Variants in SIK3 observed in about 807,000 individuals in gnomAD.
SIK3 encodes the protein SIK family kinase 3, also known as serine/threonine-protein kinase SIK3.
In SIK3, 28 loss-of-function variants were observed where a neutral mutation model predicts 144.2. The observed-to-expected ratio is 0.19, with a 90% CI of 0.14 to 0.27. The LOEUF is 0.27. Among genes scored for constraint, SIK3 ranks in the 10% least tolerant of loss-of-function variants. SIK3 has a pLI of 1.00. For missense variants in SIK3, 1,319 were observed against 1,776.0 expected, an observed-to-expected ratio of 0.74 and a Z score of 4.62; for synonymous variants, 686 against 676.3, an observed-to-expected ratio of 1.01 and a Z score of -0.22.
chr11:116,975,620 C>T (rs536512004), intron 1 of SIK3, among the ~76,000 whole-genome samples: 114 of 152,218 alleles, frequency 7.5e-4, no homozygotes, highest in Non-Finnish European at 9.3e-4. Flanking sequence ...AGTTGATGGA[C>T]ATTTTGGTTG....
intron 4 of SIK3, among the ~76,000 whole-genome samples, chr11:116,915,156 G>A (rs866020821): frequency 5.3e-4 from 79 of 148,158 alleles, no homozygotes; most frequent in East Asian, 1.9e-3. Flanking sequence ...GTGTGTGTGT[G>A]TGTGTATGTG....
At chr11:117,084,356 C>G (rs1954916784) in intron 1 of SIK3, among the ~76,000 whole-genome samples, 1 of 152,074 alleles carries the variant, frequency 6.6e-6, no homozygotes, top group Non-Finnish European at 1.5e-5. Flanking sequence ...CCTCTGCCTC[C>G]CAGGTTCAAG....
chr11:116,968,664 C>G (rs1363537958), intron 1 of SIK3, among the ~76,000 whole-genome samples: 1 of 152,112 alleles, frequency 6.6e-6, no homozygotes, highest in Non-Finnish European at 1.5e-5. Flanking sequence ...TTACAGACAT[C>G]CTAAATACTG....
intron 1 of SIK3, among the ~76,000 whole-genome samples, chr11:117,085,932 C>G (rs1273533498): frequency 6.6e-6 from 1 of 152,014 alleles, no homozygotes; most frequent in Admixed American, 6.6e-5. Context: ...CCAGCCTGGG[C>G]GACAGAGCAA....
chr11:116,986,062 A>G (rs1424111891), intron 1 of SIK3, among the ~76,000 whole-genome samples: 1 of 152,192 alleles, frequency 6.6e-6, no homozygotes, highest in Non-Finnish European at 1.5e-5. Context: ...TGGTGGCAAA[A>G]AAAAGTCAAC....
chr11:116,872,236 T>G (rs1309014403), intron 13 of SIK3, among the ~76,000 whole-genome samples: 1 of 152,164 alleles, frequency 6.6e-6, no homozygotes, highest in Non-Finnish European at 1.5e-5. Context: ...GATAAAAGGT[T>G]AAAAATGTCC....
intron 21 of SIK3, among the ~76,000 whole-genome samples, chr11:116,851,730 T>G (rs1009167728): frequency 6.6e-6 from 1 of 152,210 alleles, no homozygotes; most frequent in Admixed American, 6.5e-5. Flanking sequence ...GGACTTGCTC[T>G]GTGGGATTAG....
chr11:116,942,712 G>A (rs1466925360), intron 3 of SIK3, among the ~76,000 whole-genome samples: 1 of 152,172 alleles, frequency 6.6e-6, no homozygotes, highest in African/African-American at 2.4e-5. Context: ...GTCTTAAAGC[G>A]GGAGCACAGC....
rs577230134 is a variant in SIK3, at chr11:117,012,615, T to C, written c.274-55551A>G. ...TCCACAATTCCCTCTTTCCCATTTT[T>C]CTCCATACATAGAAACAATCCTTCT... On this transcript the variant is annotated intron_variant, in intron 1 of 24. Coordinates refer to ENST00000445177, the MANE Select transcript of SIK3 (RefSeq NM_001366686.3). 3.4e-4 allele frequency among the ~76,000 whole-genome samples: 52 copies of C among 152,214 alleles called. 1 individual carries two copies. Among genetic ancestry groups the C allele is most frequent in the African/African-American group, 1.3e-3 (52 of 41,530 alleles).
intron 2 of SIK3, 28 bp from the exon 3 acceptor site, chr11:116,954,135 C>T (rs1345656183): frequency 1.9e-6 from 3 of 1,599,840 alleles, no homozygotes; most frequent in Non-Finnish European, 1.7e-6. Context: ...AAGTGACAGA[C>T]AGTGACACAA....
chr11:116,882,589 C>T (rs1297694418), intron 6 of SIK3, among the ~76,000 whole-genome samples: 5 of 152,126 alleles, frequency 3.3e-5, no homozygotes, highest in African/African-American at 9.7e-5. Flanking sequence ...TTTCTGACCA[C>T]ATAAAGCTGC....
At chr11:117,090,763 G>A (rs958542300) in intron 1 of SIK3, among the ~76,000 whole-genome samples, 2 of 152,220 alleles carry the variant, frequency 1.3e-5, no homozygotes, top group Admixed American at 1.3e-4. Flanking sequence ...TAAAGGCAAA[G>A]CAGTGGACCC....
chr11:117,087,074 A>C (rs370667688), intron 1 of SIK3, among the ~76,000 whole-genome samples: 20 of 152,082 alleles, frequency 1.3e-4, no homozygotes, highest in African/African-American at 4.3e-4. Flanking sequence ...CCCTTCAGCA[A>C]TTTCTCCAGT....
intron 4 of SIK3, among the ~76,000 whole-genome samples, chr11:116,917,830 G>GGAAAA: frequency 6.9e-5 from 10 of 144,246 alleles, no homozygotes; most frequent in African/African-American, 2.6e-4. Flanking sequence ...GAAGAAGGAA[G>GGAAAA]GAAAGGAAAG....
At chr11:116,861,476 AT>A (rs539019669) in intron 18 of SIK3, 93 bp from the exon 19 acceptor site, 872 of 916,060 alleles carry the variant, frequency 9.5e-4, no homozygotes, top group Non-Finnish European at 1.1e-3. Flanking sequence ...AGTGGAAACT[AT>A]TTTTTTTTAC....
intron 3 of SIK3, among the ~76,000 whole-genome samples, chr11:116,940,530 C>T (rs1200625872): frequency 2.6e-5 from 4 of 151,354 alleles, no homozygotes; most frequent in Admixed American, 1.3e-4. Context: ...CATGCCTGGC[C>T]CTTTGGGATT....
intron 1 of SIK3, among the ~76,000 whole-genome samples, chr11:117,082,914 T>C (rs1954850052): frequency 6.6e-6 from 1 of 152,120 alleles, no homozygotes; most frequent in South Asian, 2.1e-4. Flanking sequence ...CTCAGTTCTT[T>C]AACTACAGAT....
intron 1 of SIK3, among the ~76,000 whole-genome samples, chr11:117,094,631 A>G (rs1183392947): frequency 1.3e-5 from 2 of 152,160 alleles, no homozygotes; most frequent in Non-Finnish European, 2.9e-5. Flanking sequence ...AGGAAAAAAA[A>G]TGCATACAAA....
intron 1 of SIK3, among the ~76,000 whole-genome samples, chr11:117,028,763 G>A (rs1160075165): frequency 6.6e-6 from 1 of 152,170 alleles, no homozygotes; most frequent in Non-Finnish European, 1.5e-5. Flanking sequence ...GTAGCCTGGA[G>A]GAAGGAAATC....
Sources: allele counts gnomAD v4.1 joint callset (sites outside exome capture counted in the v4.1 genomes callset), GRCh38; gene constraint gnomAD v4.1.1; transcripts MANE v1.5; gene names NCBI Gene and HGNC (gene_info 2026-07-23, HGNC 2026-07-21).